The following RGPD6 variants were observed in gnomAD, a reference collection of about 807,000 sequenced individuals.
RGPD6 encodes RANBP2-like and GRIP domain-containing protein 5/6.
the RGPD6 span, among the ~76,000 whole-genome samples, chr2:110,593,214 T>C: frequency 6.8e-6 from 1 of 148,090 alleles, no homozygotes; most frequent in Admixed American, 6.7e-5. Context: ...AATGAAGCTT[T>C]GGAGAAGGTA....
chr2:110,604,987 C>T, the RGPD6 span, among the ~76,000 whole-genome samples: 14 of 147,922 alleles, frequency 9.5e-5, 1 homozygote, highest in East Asian at 1.2e-3. Flanking sequence ...CATCCAGATA[C>T]ATTTGGTTAA....
At chr2:110,601,094 T>C in the RGPD6 span, among the ~76,000 whole-genome samples, 1 of 149,868 alleles carries the variant, frequency 6.7e-6, no homozygotes, top group Non-Finnish European at 1.5e-5. Context: ...ACAGAGTCTA[T>C]GGCCAGTGAA....
At chr2:110,604,669 C>A in the RGPD6 span, among the ~76,000 whole-genome samples, 1 of 150,930 alleles carries the variant, frequency 6.6e-6, no homozygotes, top group Non-Finnish European at 1.5e-5. Flanking sequence ...GACTTTATTC[C>A]CAAAAATTAA....
the RGPD6 span, among the ~76,000 whole-genome samples, chr2:110,591,549 G>A: frequency 6.8e-6 from 1 of 147,510 alleles, no homozygotes; most frequent in South Asian, 2.2e-4. Flanking sequence ...GCCCCTTGCT[G>A]TCCAAGAGAG....
the RGPD6 span, among the ~76,000 whole-genome samples, chr2:110,593,673 GA>G: frequency 1.3e-5 from 2 of 149,262 alleles, no homozygotes; most frequent in African/African-American, 2.6e-5. Context: ...ACTTGCACAA[GA>G]TCAGGACCTA....
At chr2:110,591,434 CT>C in the RGPD6 span, among the ~76,000 whole-genome samples, 1 of 150,670 alleles carries the variant, frequency 6.6e-6, no homozygotes, top group South Asian at 2.1e-4. Flanking sequence ...CAATTACATA[CT>C]TTCTTAAAAC....
chr2:110,608,756 T>C, the RGPD6 span, among the ~76,000 whole-genome samples: 1 of 101,174 alleles, frequency 9.9e-6, no homozygotes, highest in South Asian at 3.8e-4. Flanking sequence ...TAAAATGTGA[T>C]TGCACGTACA....
chr2:110,604,967 T>C, the RGPD6 span, among the ~76,000 whole-genome samples: 2 of 148,016 alleles, frequency 1.4e-5, no homozygotes, highest in Admixed American at 1.3e-4. Context: ...ACAATACTCA[T>C]CTTCATCGTC....
chr2:110,593,066 TACGGAGAAACAAC>T, the RGPD6 span, among the ~76,000 whole-genome samples: 3 of 148,242 alleles, frequency 2.0e-5, no homozygotes, highest in Admixed American at 2.0e-4. Context: ...CTAAGATTTA[TACGGAGAAACAAC>T]ATTCCACACA....
At chr2:110,601,420 G>C in the RGPD6 span, among the ~76,000 whole-genome samples, 8 of 149,226 alleles carry the variant, frequency 5.4e-5, no homozygotes, top group Admixed American at 2.0e-4. Flanking sequence ...TTTTTTTTTG[G>C]TGTGTGGTGG....
At chr2:110,606,880 T>A in the RGPD6 span, among the ~76,000 whole-genome samples, 1 of 151,790 alleles carries the variant, frequency 6.6e-6, no homozygotes, top group Non-Finnish European at 1.5e-5. Context: ...CTTTTCTGAA[T>A]CACCAGTGTT....
chr2:110,606,089 T>TA, the RGPD6 span, among the ~76,000 whole-genome samples: 5 of 151,404 alleles, frequency 3.3e-5, no homozygotes, highest in Admixed American at 2.6e-4. Context: ...TGGGAAATTC[T>TA]AAAAAAAAGA....
the RGPD6 span, among the ~76,000 whole-genome samples, chr2:110,589,762 AAGCT>A: frequency 8.2e-6 from 1 of 122,038 alleles, no homozygotes; most frequent in Non-Finnish European, 1.7e-5. Context: ...CGGCTTTGCC[AAGCT>A]ACCCTCTTCG....
At chr2:110,600,895 C>T in the RGPD6 span, among the ~76,000 whole-genome samples, 9,900 of 132,040 alleles carry the variant, frequency 0.075, 69 homozygotes, top group African/African-American at 0.18. Context: ...TAACAGGCCC[C>T]GGACCAATAT....
the RGPD6 span, chr2:110,610,789 C>CGCCGCTGCT: frequency 8.9e-7 from 1 of 1,117,856 alleles, no homozygotes. Flanking sequence ...TCAGCGTCGC[C>CGCCGCTGCT]GCCGCCGCTG....
the RGPD6 span, among the ~76,000 whole-genome samples, chr2:110,604,563 T>G: frequency 6.6e-6 from 1 of 150,834 alleles, no homozygotes; most frequent in Non-Finnish European, 1.5e-5. Flanking sequence ...AAAATAAGTT[T>G]TATGGATTTC....
chr2:110,589,168 CCAT>C, the RGPD6 span, among the ~76,000 whole-genome samples: 1 of 124,474 alleles, frequency 8.0e-6, no homozygotes, highest in South Asian at 3.1e-4. Flanking sequence ...TGGAAAAACC[CCAT>C]CTCTACTAAA....
chr2:110,591,692 T>C, the RGPD6 span, among the ~76,000 whole-genome samples: 3 of 151,958 alleles, frequency 2.0e-5, no homozygotes. Context: ...TGCAACATCA[T>C]TTCCTCCCTG....
the RGPD6 span, among the ~76,000 whole-genome samples, chr2:110,600,289 G>T: frequency 3.3e-4 from 32 of 95,762 alleles, no homozygotes; most frequent in African/African-American, 8.4e-4. Context: ...GGAGTAGTGT[G>T]GTCTTCCCAT....
Sources: gnomAD v4.1 joint callset for allele counts (sites outside exome capture counted in the v4.1 genomes callset) on GRCh38, gnomAD v4.1.1 for gene constraint, MANE v1.5 for transcripts, NCBI Gene and HGNC (gene_info 2026-07-23, HGNC 2026-07-21) for gene names.